Variants in HMCN2 observed in about 807,000 individuals in gnomAD.
HMCN2 encodes the protein hemicentin-2.
In HMCN2, 325 loss-of-function variants were observed where a neutral mutation model predicts 377.5. That is an observed-to-expected ratio of 0.86 (90% CI 0.79 to 0.94). The LOEUF (loss-of-function observed/expected upper bound fraction) is 0.94. HMCN2 is among the 40% of genes least tolerant of loss of function. The pLI, the probability that HMCN2 is intolerant of heterozygous loss-of-function variation, is 0.00. For missense variants in HMCN2, 4,543 were observed against 4,725.3 expected (o/e 0.96, Z 1.13); for synonymous variants, 2,007 against 2,046.8 (o/e 0.98, Z 0.53).
chr9:130,280,633 A>G (rs1177912552), intron 1 of HMCN2, among the ~76,000 whole-genome samples: 2 of 152,288 alleles, frequency 1.3e-5, no homozygotes, highest in East Asian at 3.9e-4. Flanking sequence ...AAATTTGCTC[A>G]CACTTACTTG....
At chr9:130,299,838 T>C (rs1170962638) in intron 8 of HMCN2, among the ~76,000 whole-genome samples, 2 of 139,074 alleles carry the variant, frequency 1.4e-5, no homozygotes, top group African/African-American at 2.6e-5. Context: ...TATTCATCCA[T>C]CCACCCACCC....
At position 130,385,087 on chromosome 9, in the gene HMCN2, G is replaced by A. The variant is rs61678161; in HGVS notation, c.9106+289G>A. On this transcript the variant is annotated intron_variant, in intron 59 of 97. Transcript: ENST00000683500. Reference sequence around the variant, plus strand: ...CCTCTTGGGGAAAAGCTGGCCCAAGGTGTCTTTAGCAAGGACTCGCTGGAA... The same window carrying A: ...CCTCTTGGGGAAAAGCTGGCCCAAGATGTCTTTAGCAAGGACTCGCTGGAA... Among the ~76,000 whole-genome samples the A allele has an allele frequency of 3.6e-3, 552 of 152,326 alleles. 5 individuals carry two copies. Among genetic ancestry groups the A allele is most frequent in the African/African-American group, 0.013 (526 of 41,574 alleles).
intron 25 of HMCN2, among the ~76,000 whole-genome samples, chr9:130,343,955 G>A (rs1431387979): frequency 3.9e-5 from 6 of 152,344 alleles, no homozygotes; most frequent in East Asian, 3.9e-4. Flanking sequence ...AAGGCCCAGA[G>A]CCTGGACACC....
intron 25 of HMCN2, among the ~76,000 whole-genome samples, chr9:130,343,924 C>T (rs1005322556): frequency 4.6e-5 from 7 of 152,184 alleles, no homozygotes; most frequent in African/African-American, 1.2e-4. Context: ...GCCTCTTCCT[C>T]GTGGGGTGGG....
At chr9:130,407,932 C>T (rs1483766901) in intron 83 of HMCN2, among the ~76,000 whole-genome samples, 1 of 152,210 alleles carries the variant, frequency 6.6e-6, no homozygotes, top group East Asian at 1.9e-4. Flanking sequence ...GTATTTTTGA[C>T]ACTCCCAAGA....
At position 130,430,580 on chromosome 9, in the gene HMCN2, A is replaced by G. The variant is rs1392960712; in HGVS notation, c.14623A>G (p.Ile4875Val). ...CCGGGCCTGGTGCCCTCCTGGTTTC[A>G]TCAGGCAGAACGGAGTCTGCACAGG... ...VGRAWCPPGF[I>V]RQNGVCTDLD... The change falls in exon 95 of 98, where the codon ATC becomes GTC. Residue 4875 changes from isoleucine (I) to valine (V), a missense_variant. Coordinates refer to ENST00000683500, the MANE Select transcript of HMCN2 (RefSeq NM_001291815.2). 12 of 1,550,034 alleles carry G rather than the reference A, an allele frequency of 7.7e-6. No individual in the cohort carries two copies. The highest frequency in any genetic ancestry group is 1.0e-5 in the Non-Finnish European group (12 of 1,146,766).
At chr9:130,420,021 G>A (rs1301014730) in intron 86 of HMCN2, among the ~76,000 whole-genome samples, 3 of 151,254 alleles carry the variant, frequency 2.0e-5, no homozygotes, top group African/African-American at 4.9e-5. Context: ...AGTTAGCCTT[G>A]GGTCTAAGCA....
intron 18 of HMCN2, among the ~76,000 whole-genome samples, chr9:130,321,496 ACT>A (rs1191027390): frequency 1.3e-5 from 2 of 151,044 alleles, no homozygotes; most frequent in African/African-American, 4.9e-5. Context: ...CCCAGGAGAG[ACT>A]CTCGTGGGCC....
intron 1 of HMCN2, among the ~76,000 whole-genome samples, chr9:130,276,225 G>T (rs1200495946): frequency 6.6e-6 from 1 of 152,138 alleles, no homozygotes; most frequent in Non-Finnish European, 1.5e-5. Context: ...ATTCTCAAGG[G>T]TCCCCTGGGG....
At chr9:130,398,530 T>C in intron 74 of HMCN2, 21 bp from the exon 75 acceptor site, 1 of 1,187,594 alleles carries the variant, frequency 8.4e-7, no homozygotes, top group Non-Finnish European at 1.1e-6. Flanking sequence ...ACCTGTCTCC[T>C]GACCACTGTG....
intron 34 of HMCN2, 48 bp from the exon 35 acceptor site, chr9:130,357,786 C>T (rs909764156): frequency 1.6e-6 from 2 of 1,270,374 alleles, no homozygotes; most frequent in Non-Finnish European, 2.1e-6. Flanking sequence ...GCCCACTGTA[C>T]TCCTCCTGAT....
Position 130,359,320 on chromosome 9 carries a change from G to GC in HMCN2, c.5685dup (p.Asn1896GlnfsTer30), listed in dbSNP as rs772583138. Reference sequence around the variant, plus strand: ...GGGTCTCTCCTTGTCTCCCCCTAGTGCCCCCCAACATCGAGCCAGGCCCAG... The same window carrying GC: ...GGGTCTCTCCTTGTCTCCCCCTAGTGCCCCCCCAACATCGAGCCAGGCCCAG... On this transcript the variant is annotated frameshift_variant and splice_region_variant, in exon 37 of 98. Coordinates refer to ENST00000683500, the MANE Select transcript of HMCN2 (RefSeq NM_001291815.2). LOFTEE classifies it high-confidence loss of function. 2.3e-6 allele frequency: 3 copies of GC among 1,301,432 alleles called. No individual in the cohort carries two copies. The highest frequency in any genetic ancestry group is 3.0e-6 in the Non-Finnish European group (3 of 986,770). The allele number at this position is 1,301,432 out of a possible 1,614,324, so 80.6% of individuals were successfully genotyped here.
Position 130,361,478 on chromosome 9 carries a change from C to T in HMCN2, c.5951-530C>T, listed in dbSNP as rs1035198748. The stretch of plus-strand genomic sequence containing the variant: ...TGCTGGTGGCCATATGGAGGCTGGA[C>T]CTCTTGGGCCTCATGGGCCATGGGA... On this transcript the variant is annotated intron_variant, in intron 38 of 97. Coordinates refer to ENST00000683500, the MANE Select transcript of HMCN2 (RefSeq NM_001291815.2). This position sits in a 1 kb window ranked among gnomAD's most constrained non-coding sequence, Gnocchi z 4.8. Among the ~76,000 whole-genome samples the T allele has an allele frequency of 2.0e-5, 3 of 152,162 alleles. No homozygotes were observed. The East Asian group carries it at 5.8e-4, about 29-fold the overall frequency.
intron 84 of HMCN2, 155 bp from the exon 85 acceptor site, chr9:130,410,416 G>T: frequency 1.6e-6 from 1 of 611,446 alleles, no homozygotes; most frequent in South Asian, 2.1e-5. Context: ...TGGTCACAGA[G>T]GCCCTTCTGA....
intron 39 of HMCN2, among the ~76,000 whole-genome samples, chr9:130,362,530 T>G (rs556384321): frequency 6.6e-6 from 1 of 152,376 alleles, no homozygotes; most frequent in Non-Finnish European, 1.5e-5. Flanking sequence ...TATTCTTCTT[T>G]TCATATTAAC....
At chr9:130,271,643 G>A (rs1217133240) in intron 1 of HMCN2, among the ~76,000 whole-genome samples, 1 of 148,604 alleles carries the variant, frequency 6.7e-6, no homozygotes, top group Non-Finnish European at 1.5e-5. Flanking sequence ...CACTGGTAGT[G>A]GCTCCAGGCT....
In HMCN2 at chr9:130,308,179, A is replaced by G. The variant is rs902763198; in HGVS notation, c.2200+613A>G. Among the ~76,000 whole-genome samples, 8 of 151,900 alleles carry G rather than the reference A, an allele frequency of 5.3e-5. No homozygotes were observed. The highest frequency in any genetic ancestry group is 6.6e-5 in the Admixed American group (1 of 15,246). On this transcript the variant is annotated intron_variant, in intron 14 of 97. Transcript: ENST00000683500. This position sits in a 1 kb window ranked among gnomAD's most constrained non-coding sequence, Gnocchi z 4.1. ...ACCATGTTGGACAGGCTAGTCTGGA[A>G]CTCCTGACCTCAGGTGACCCACTCG...
chr9:130,425,992 C>A, intron 90 of HMCN2, 68 bp downstream of exon 90: 2 of 1,220,814 alleles, frequency 1.6e-6, no homozygotes, highest in Non-Finnish European at 1.1e-6. Context: ...CCCAAATGCA[C>A]GTGGCTGGAA....
At position 130,374,519 on chromosome 9, in the gene HMCN2, C is replaced by T. The variant is rs1026459672; in HGVS notation, c.7456C>T (p.Leu2486Phe). Residue 2486 changes from leucine to phenylalanine, a missense_variant, in exon 49 of 98, where the codon CTC (leucine) becomes TTC (phenylalanine). Physicochemically the swap from Leu to Phe is conservative, Grantham distance 22. Coordinates refer to ENST00000683500, the MANE Select transcript of HMCN2 (RefSeq NM_001291815.2). Reference protein sequence around the residue: ...CNVTGHPQPKLTWFKDGRPLA... With the variant: ...CNVTGHPQPKFTWFKDGRPLA... ...GCATACAGGCCACCCACAGCCCAAG[C>T]TCACATGGTTCAAAGATGGCCGGCC... 3 of 985,786 alleles carry T rather than the reference C, an allele frequency of 3.0e-6. No individual in the cohort carries two copies. Among genetic ancestry groups the T allele is most frequent in the Non-Finnish European group, 3.6e-6 (3 of 830,024 alleles). 61.1% of individuals were successfully genotyped at this position (985,786 alleles called of 1,614,324 possible). A position where few individuals can be genotyped will look rare whatever the true frequency, so the allele number is the denominator to read the frequency against.
Sources: allele counts gnomAD v4.1 joint callset (sites outside exome capture counted in the v4.1 genomes callset), GRCh38; gene constraint gnomAD v4.1.1; non-coding constraint Gnocchi (gnomAD v3.1); transcripts MANE v1.5; gene names NCBI Gene and HGNC (gene_info 2026-07-23, HGNC 2026-07-21).